The following USP9X variants were observed in gnomAD, a reference collection of about 807,000 sequenced individuals.
USP9X encodes ubiquitin carboxyl-terminal hydrolase 9X.
Under a neutral mutation model 190.3 loss-of-function variants are expected in USP9X, and 7 were observed. The ratio of observed to expected loss-of-function variants is 0.04; its 90% confidence interval spans 0.02 to 0.07. The LOEUF is 0.07. Among genes scored for constraint, USP9X ranks in the 10% least tolerant of loss-of-function variants. The probability of loss-of-function intolerance (pLI) is 1.00; values close to 1 mark genes in which losing one functional copy is unlikely to be tolerated. For synonymous variants in USP9X, 645 were observed against 659.5 expected (o/e 0.98, Z 0.34); for missense variants, 1,010 against 1,916.9 (o/e 0.53, Z 8.83).
intron 30 of USP9X, 99 bp from the exon 31 acceptor site, chrX:41,200,961 G>A: frequency 2.3e-6 from 2 of 868,125 alleles, no homozygotes; most frequent in Non-Finnish European, 3.3e-6. Flanking sequence ...GTCGAATTAT[G>A]GGTGGTAGAA....
chrX:41,105,683 A>G (rs750230499), intron 1 of USP9X, among the ~76,000 whole-genome samples: 3 of 112,228 alleles, frequency 2.7e-5, no homozygotes, highest in Non-Finnish European at 3.8e-5. Context: ...TGTATGTATC[A>G]TATGTAAATT....
intron 2 of USP9X, among the ~76,000 whole-genome samples, chrX:41,124,670 C>T (rs2062221115): frequency 9.0e-6 from 1 of 111,055 alleles, no homozygotes; most frequent in Non-Finnish European, 1.9e-5. Context: ...CACTTTCTAC[C>T]CCATAAATAC....
rs780538917 is a variant in USP9X, at chrX:41,220,014, A to G, written c.6565+783A>G. Among the ~76,000 whole-genome samples the G allele has an allele frequency of 7.9e-4, 88 of 111,653 alleles. 1 individual carries two copies. The highest frequency in any genetic ancestry group is 1.3e-3 in the Non-Finnish European group (69 of 53,093). ...AAGCAAACAAACCAAAAAGTCATAT[A>G]TCCAAAATGAAGTTCTATATCCAGG... On this transcript the variant is annotated intron_variant, in intron 38 of 44. Coordinates refer to ENST00000378308, the MANE Select transcript of USP9X (RefSeq NM_001039591.3).
intron 38 of USP9X, among the ~76,000 whole-genome samples, chrX:41,220,058 T>G (rs1367742710): frequency 2.7e-5 from 3 of 111,599 alleles, no homozygotes; most frequent in Non-Finnish European, 3.8e-5. Context: ...TCGTTTCAGG[T>G]TTTTTTTCTG....
intron 21 of USP9X, among the ~76,000 whole-genome samples, chrX:41,181,951 C>T (rs1353538897): frequency 9.0e-6 from 1 of 111,663 alleles, no homozygotes; most frequent in African/African-American, 3.3e-5. Flanking sequence ...TTCTGGCTTC[C>T]ATTTTTTATA....
chrX:41,177,317 C>A (rs7066921), intron 21 of USP9X, among the ~76,000 whole-genome samples: 1 of 111,773 alleles, frequency 8.9e-6, no homozygotes, highest in South Asian at 3.7e-4. Context: ...GTATCTCTTT[C>A]AGTTGTCTTT....
At chrX:41,125,676 A>ACTCTCTCT (rs1569158725) in intron 2 of USP9X, among the ~76,000 whole-genome samples, 3 of 41,730 alleles carry the variant, frequency 7.2e-5, no homozygotes, top group African/African-American at 3.0e-4. Flanking sequence ...ACACACACAC[A>ACTCTCTCT]CACACACACT....
At chrX:41,144,500 T>G in intron 10 of USP9X, 22 bp from the exon 11 acceptor site, 1 of 1,152,099 alleles carries the variant, frequency 8.7e-7, no homozygotes, top group Non-Finnish European at 1.2e-6. Flanking sequence ...TGCATTGTGA[T>G]TTCGTTTTTG....
At chrX:41,108,704 A>G (rs2062087067) in intron 1 of USP9X, among the ~76,000 whole-genome samples, 1 of 111,141 alleles carries the variant, frequency 9.0e-6, no homozygotes, top group South Asian at 3.7e-4. Flanking sequence ...AAATCTTTAC[A>G]CCACTGCTTC....
intron 31 of USP9X, 38 bp downstream of exon 31, chrX:41,201,318 A>G: frequency 9.1e-7 from 1 of 1,098,896 alleles, no homozygotes; most frequent in Non-Finnish European, 1.3e-6. Context: ...CTGTGTTTCA[A>G]GTTATGATAC....
intron 21 of USP9X, among the ~76,000 whole-genome samples, chrX:41,178,864 AC>A (rs1466681121): frequency 9.0e-6 from 1 of 111,490 alleles, no homozygotes; most frequent in East Asian, 2.8e-4. Flanking sequence ...TAAGTTTTTA[AC>A]CCATCTTGAG....
intron 31 of USP9X, 79 bp downstream of exon 31, chrX:41,201,359 T>C (rs2063040139): frequency 3.1e-6 from 3 of 963,316 alleles, no homozygotes; most frequent in East Asian, 3.2e-5. Flanking sequence ...GAGAGTGTTA[T>C]ACTTTCATCA....
At chrX:41,203,284 C>A (rs1022873258) in intron 31 of USP9X, among the ~76,000 whole-genome samples, 2 of 111,434 alleles carry the variant, frequency 1.8e-5, no homozygotes, top group Admixed American at 9.6e-5. Flanking sequence ...TCACCACCAC[C>A]CATCTCCAAA....
At chrX:41,205,256 G>T in intron 31 of USP9X, 47 bp from the exon 32 acceptor site, 1 of 983,168 alleles carries the variant, frequency 1.0e-6, no homozygotes, top group Non-Finnish European at 1.4e-6. Flanking sequence ...TTGTCTCAAC[G>T]TATTTTATTA....
At chrX:41,168,856 T>C (rs2062700427) in intron 18 of USP9X, among the ~76,000 whole-genome samples, 1 of 110,911 alleles carries the variant, frequency 9.0e-6, no homozygotes, top group South Asian at 3.7e-4. Flanking sequence ...AAATGGTGTT[T>C]ATAGTTTTGG....
chrX:41,101,815 A>C (rs1303248927), intron 1 of USP9X, among the ~76,000 whole-genome samples: 1 of 112,869 alleles, frequency 8.9e-6, no homozygotes, highest in Admixed American at 9.4e-5. Context: ...TGCATAAATA[A>C]AATATACAAT....
intron 1 of USP9X, among the ~76,000 whole-genome samples, chrX:41,109,763 CTG>C (rs200837779): frequency 0.23 from 23,272 of 101,357 alleles, 2,234 homozygotes; most frequent in Non-Finnish European, 0.32. Context: ...TAGCATCACA[CTG>C]GGGATGGGGG....
At chrX:41,197,331 T>TGGGGGGGGGGG in intron 28 of USP9X, 33 bp from the exon 29 acceptor site, 5 of 486,734 alleles carry the variant, frequency 1.0e-5, no homozygotes, top group East Asian at 5.9e-5. Context: ...TTTGATTTCT[T>TGGGGGGGGGGG]CCCCCCCCCA....
intron 26 of USP9X, among the ~76,000 whole-genome samples, chrX:41,194,905 G>A (rs1375241290): frequency 1.8e-5 from 2 of 111,380 alleles, no homozygotes; most frequent in African/African-American, 6.5e-5. Flanking sequence ...TTTTATTCTA[G>A]TGAGATCTAT....
Sources: gnomAD v4.1 joint callset for allele counts (sites outside exome capture counted in the v4.1 genomes callset) on GRCh38, gnomAD v4.1.1 for gene constraint, MANE v1.5 for transcripts, NCBI Gene and HGNC (gene_info 2026-07-23, HGNC 2026-07-21) for gene names.